Variants in CORO2B observed in about 807,000 individuals in gnomAD.
CORO2B encodes coronin-2B.
Under a neutral mutation model 58.8 loss-of-function variants are expected in CORO2B, and 26 were observed. That is an observed-to-expected ratio of 0.44 (90% confidence interval 0.32 to 0.61). CORO2B has a LOEUF of 0.61. CORO2B is among the 20% of genes least tolerant of loss of function. The probability of loss-of-function intolerance (pLI) is 0.04; values close to 1 mark genes in which losing one functional copy is unlikely to be tolerated. For missense variants in CORO2B, 460 were observed against 645.1 expected (o/e 0.71, Z 3.11); for synonymous variants, 242 against 253.8 (o/e 0.95, Z 0.44).
At chr15:68,643,585 G>T (rs1187859243) in intron 1 of CORO2B, among the ~76,000 whole-genome samples, 2 of 152,194 alleles carry the variant, frequency 1.3e-5, no homozygotes, top group Non-Finnish European at 2.9e-5. Context: ...TTGGGAAGTG[G>T]AGAAGAGGCA....
chr15:68,558,822 G>A, the CORO2B span, among the ~76,000 whole-genome samples: 1 of 152,262 alleles, frequency 6.6e-6, no homozygotes, highest in African/African-American at 2.4e-5. Context: ...CCAAAGCCCT[G>A]CCTTGACTGG....
At chr15:68,555,889 C>T in the CORO2B span, among the ~76,000 whole-genome samples, 1 of 152,142 alleles carries the variant, frequency 6.6e-6, no homozygotes, top group African/African-American at 2.4e-5. Flanking sequence ...GCAGGGCCAG[C>T]CTCAAGGGCC....
At chr15:68,570,611 C>T in the CORO2B span, among the ~76,000 whole-genome samples, 1 of 152,150 alleles carries the variant, frequency 6.6e-6, no homozygotes, top group African/African-American at 2.4e-5. Context: ...GAAGTGCTTA[C>T]AAGTTGTCCT....
rs71145193 is a variant in CORO2B, at chr15:68,701,478, A to ATTTTTT, written c.333+6242_333+6247dup. ...AGGCGCCTGCAACCACGCCCGGCTA[A>ATTTTTT]TTTTTTTTTTTTTTTTTTTTTTTTT... On this transcript the variant is annotated intron_variant, in intron 3 of 11. Coordinates refer to ENST00000261861, the MANE Select transcript of CORO2B (RefSeq NM_006091.5). Among the ~76,000 whole-genome samples the ATTTTTT allele has an allele frequency of 2.0e-3, 77 of 38,846 alleles. 7 individuals are homozygous for ATTTTTT. The highest frequency in any genetic ancestry group is 5.1e-3 in the East Asian group (5 of 986). The allele number at this position is 38,846 out of a possible 152,430, so 25.5% of individuals were successfully genotyped here.
In CORO2B at chr15:68,579,038, AATGCAC is replaced by A. The variant is rs1463944453; in HGVS notation, c.-222_-217del. 1 of 984,236 alleles carries A rather than the reference AATGCAC, an allele frequency of 1.0e-6. No individual in the cohort carries two copies. Among genetic ancestry groups the A allele is most frequent in the Non-Finnish European group, 1.2e-6 (1 of 829,626 alleles). 61.0% of individuals were successfully genotyped at this position (984,236 alleles called of 1,614,324 possible). ...CGGCGAAGGAGGCTCATCTATTATA[AATGCAC>A]ATTCGGGGCTGACATCAGCGACGAG... On this transcript the variant is annotated 5_prime_UTR_variant, in exon 1 of 12. It removes an upstream start codon present in the reference 5' UTR. Transcript: ENST00000261861.
intron 11 of CORO2B, among the ~76,000 whole-genome samples, chr15:68,720,340 C>T (rs1471687928): frequency 6.6e-6 from 1 of 152,182 alleles, no homozygotes; most frequent in Non-Finnish European, 1.5e-5. Context: ...CTCTTCCTGG[C>T]TCATATTAAG....
intron 1 of CORO2B, among the ~76,000 whole-genome samples, chr15:68,613,943 G>C (rs1489529924): frequency 2.0e-5 from 3 of 152,192 alleles, no homozygotes; most frequent in African/African-American, 7.2e-5. Context: ...GATTTAGTTT[G>C]TTGTGGGTTG....
the CORO2B span, among the ~76,000 whole-genome samples, chr15:68,523,907 A>G: frequency 4.6e-5 from 7 of 152,132 alleles, no homozygotes; most frequent in Non-Finnish European, 8.8e-5. Flanking sequence ...GTGTCCTACA[A>G]TTCTTCAAAG....
intron 1 of CORO2B, chr15:68,616,670 AT>A: frequency 1.1e-6 from 1 of 950,834 alleles, no homozygotes; most frequent in Non-Finnish European, 1.3e-6. Context: ...ATCCCATGTC[AT>A]CTGCGAGATC....
In CORO2B at chr15:68,707,523, C is replaced by A. The variant is rs780292194; in HGVS notation, c.334-3209C>A. Among the ~76,000 whole-genome samples the A allele has an allele frequency of 2.0e-5, 3 of 152,244 alleles. No individual in the cohort carries two copies. The South Asian group carries it at 6.2e-4, about 32-fold the overall frequency. On this transcript the variant is annotated intron_variant, in intron 3 of 11. Coordinates refer to ENST00000261861, the MANE Select transcript of CORO2B (RefSeq NM_006091.5). ...GAGGTCGATTATATTCATCATGGAA[C>A]GGTCATACAACAGATGCCTCTCTGG...
the CORO2B span, among the ~76,000 whole-genome samples, chr15:68,567,885 T>C: frequency 6.6e-6 from 1 of 152,146 alleles, no homozygotes; most frequent in Non-Finnish European, 1.5e-5. Context: ...TCGGGTTTGG[T>C]GGCAGGCGCC....
Position 68,727,715 on chromosome 15 carries a change from T to A in CORO2B, c.*1741T>A, listed in dbSNP as rs1893338716. On this transcript the variant is annotated 3_prime_UTR_variant, in exon 12 of 12. Coordinates refer to ENST00000261861, the MANE Select transcript of CORO2B (RefSeq NM_006091.5). ...CTCCCACATTTCTGGAGCTTTTTTTTTTCCTTCCCCATTGACCTTTGTGGT... is the reference window on the plus strand; with the variant it reads ...CTCCCACATTTCTGGAGCTTTTTTTATTCCTTCCCCATTGACCTTTGTGGT... The A allele has an allele frequency of 2.0e-5, 3 of 152,614 alleles. No individual in the cohort carries two copies. Among genetic ancestry groups the A allele is most frequent in the Admixed American group, 2.0e-4 (3 of 15,280 alleles). The allele number at this position is 152,614 out of a possible 1,614,324, so 9.5% of individuals were successfully genotyped here. A position where few individuals can be genotyped will look rare whatever the true frequency, so the allele number is the denominator to read the frequency against.
intron 3 of CORO2B, among the ~76,000 whole-genome samples, chr15:68,703,893 C>T (rs1892718370): frequency 6.6e-6 from 1 of 151,956 alleles, no homozygotes; most frequent in African/African-American, 2.4e-5. Flanking sequence ...CAACAAAGTG[C>T]ACATGAAAAA....
chr15:68,637,110 G>A (rs1023164855), intron 1 of CORO2B, among the ~76,000 whole-genome samples: 3 of 152,188 alleles, frequency 2.0e-5, no homozygotes, highest in Admixed American at 6.5e-5. Context: ...ATGCCTTCAC[G>A]ACACACTCCT....
At chr15:68,724,083 T>C (rs1893234555) in intron 11 of CORO2B, among the ~76,000 whole-genome samples, 1 of 152,034 alleles carries the variant, frequency 6.6e-6, no homozygotes, top group Non-Finnish European at 1.5e-5. Context: ...ACACCTGTAA[T>C]CCCAGCTACT....
intron 1 of CORO2B, chr15:68,641,576 C>T (rs1326269516): frequency 3.0e-6 from 3 of 985,224 alleles, no homozygotes; most frequent in African/African-American, 3.5e-5. Flanking sequence ...AGCGCTCCAC[C>T]TGGGGAACCT....
chr15:68,613,072 T>C (rs992585247), intron 1 of CORO2B, among the ~76,000 whole-genome samples: 2 of 152,216 alleles, frequency 1.3e-5, no homozygotes, highest in South Asian at 2.1e-4. Context: ...CAGAGAAACC[T>C]GCTGCTTTCT....
the CORO2B span, among the ~76,000 whole-genome samples, chr15:68,523,319 C>G: frequency 6.6e-6 from 1 of 152,070 alleles, no homozygotes; most frequent in Non-Finnish European, 1.5e-5. Flanking sequence ...CCTCAGCTTC[C>G]TAAGTAGCTA....
At chr15:68,725,224 C>G (rs1191669484) in intron 11 of CORO2B, among the ~76,000 whole-genome samples, 7 of 151,996 alleles carry the variant, frequency 4.6e-5, no homozygotes, top group Non-Finnish European at 1.5e-5. Context: ...CAAAAATTAT[C>G]CAGGCATGGT....
Sources: allele counts gnomAD v4.1 joint callset (sites outside exome capture counted in the v4.1 genomes callset), GRCh38; gene constraint gnomAD v4.1.1; transcripts MANE v1.5; gene names NCBI Gene and HGNC (gene_info 2026-07-23, HGNC 2026-07-21).